The following FAR2 variants were observed in gnomAD, a reference collection of about 807,000 sequenced individuals.
FAR2 encodes the protein epididymis secretory protein Li 81.
Under a neutral mutation model 56.0 loss-of-function variants are expected in FAR2, and 19 were observed. The observed-to-expected ratio is 0.34, with a 90% CI of 0.24 to 0.50. The LOEUF is 0.50. FAR2 is among the 20% of genes least tolerant of loss of function. The pLI is 0.98. For missense variants in FAR2, 508 were observed against 642.2 expected (o/e 0.79, Z 2.26); for synonymous variants, 219 against 218.8 (o/e 1.00, Z -0.01).
At chr12:29,288,792 A>G (rs1187079242) in intron 2 of FAR2, among the ~76,000 whole-genome samples, 1 of 152,198 alleles carries the variant, frequency 6.6e-6, no homozygotes, top group Admixed American at 6.5e-5. Context: ...CTATTGTAGT[A>G]ATAGTTCTAT....
At chr12:29,278,662 TAAC>T (rs1948738548) in intron 2 of FAR2, among the ~76,000 whole-genome samples, 1 of 152,148 alleles carries the variant, frequency 6.6e-6, no homozygotes, top group Non-Finnish European at 1.5e-5. Context: ...AACAGACTTT[TAAC>T]AACAAAAAAG....
At chr12:29,273,948 T>C (rs1407395904) in intron 2 of FAR2, among the ~76,000 whole-genome samples, 4 of 152,140 alleles carry the variant, frequency 2.6e-5, no homozygotes, top group African/African-American at 9.7e-5. Flanking sequence ...CTCTTCCTTC[T>C]CTTGGTGGGT....
intron 1 of FAR2, among the ~76,000 whole-genome samples, chr12:29,156,165 G>A (rs1393642758): frequency 6.6e-6 from 1 of 152,042 alleles, no homozygotes; most frequent in Admixed American, 6.6e-5. Flanking sequence ...GGAGGCATTC[G>A]TTTTGAGATC....
At chr12:29,285,236 C>T (rs983223742) in intron 2 of FAR2, among the ~76,000 whole-genome samples, 10 of 152,198 alleles carry the variant, frequency 6.6e-5, no homozygotes, top group Non-Finnish European at 1.3e-4. Flanking sequence ...TTGTTCTCAA[C>T]TTCCAAAAAT....
intron 1 of FAR2, among the ~76,000 whole-genome samples, chr12:29,241,491 G>GA (rs1307627419): frequency 4.6e-5 from 7 of 151,494 alleles, no homozygotes; most frequent in Admixed American, 6.6e-5. Context: ...TTCTCTGCAG[G>GA]AAAAAAAATG....
At chr12:29,277,929 TTTC>T (rs1216068690) in intron 2 of FAR2, 3 of 104,820 alleles carry the variant, frequency 2.9e-5, no homozygotes, top group African/African-American at 7.2e-5. Context: ...ACATATTTTC[TTTC>T]TTTTTTTTTT....
chr12:29,203,999 C>CAAAAAAAAAAAAA (rs34399942), intron 1 of FAR2, among the ~76,000 whole-genome samples: 2 of 68,116 alleles, frequency 2.9e-5, no homozygotes, highest in Non-Finnish European at 4.9e-5. Context: ...GATTCCATCT[C>CAAAAAAAAAAAAA]AAAAAAAAAA....
chr12:29,265,036 A>G (rs1488846114), intron 1 of FAR2, among the ~76,000 whole-genome samples: 1 of 152,220 alleles, frequency 6.6e-6, no homozygotes, highest in African/African-American at 2.4e-5. Flanking sequence ...AACACACACA[A>G]AAATGGAAAG....
At chr12:29,259,441 C>G in intron 1 of FAR2, among the ~76,000 whole-genome samples, 1 of 152,274 alleles carries the variant, frequency 6.6e-6, no homozygotes, top group East Asian at 1.9e-4. Flanking sequence ...CAGTGGACTA[C>G]GAAGACATTT....
chr12:29,216,558 G>C (rs1033179873), intron 1 of FAR2, among the ~76,000 whole-genome samples: 12 of 152,062 alleles, frequency 7.9e-5, no homozygotes, highest in African/African-American at 2.9e-4. Context: ...TTTTACATGT[G>C]AGCGCCCACT....
rs143864538 is a variant in FAR2, at chr12:29,230,192, G to A, written c.-38-40220G>A. Among the ~76,000 whole-genome samples the A allele has an allele frequency of 4.8e-3, 734 of 152,258 alleles. 7 individuals carry two copies. The highest frequency in any genetic ancestry group is 0.017 in the African/African-American group (698 of 41,546). ...ACAGATGACGTAAACTACATCAGGT[G>A]GTGTTAAGTGCTGTGAAGAAATGGA... On this transcript the variant is annotated intron_variant, in intron 1 of 11. Transcript: ENST00000536681.
At chr12:29,171,029 A>C (rs1462035040) in intron 1 of FAR2, among the ~76,000 whole-genome samples, 1 of 152,242 alleles carries the variant, frequency 6.6e-6, no homozygotes, top group Non-Finnish European at 1.5e-5. Context: ...CATACTTACT[A>C]TCTGTAGCGA....
chr12:29,214,944 G>T (rs1215231476), intron 1 of FAR2, among the ~76,000 whole-genome samples: 1 of 152,238 alleles, frequency 6.6e-6, no homozygotes, highest in South Asian at 2.1e-4. Flanking sequence ...GGTGAGAAAG[G>T]CATTCTTGAG....
At chr12:29,294,900 T>C (rs1234846536) in intron 3 of FAR2, among the ~76,000 whole-genome samples, 1 of 152,132 alleles carries the variant, frequency 6.6e-6, no homozygotes, top group Non-Finnish European at 1.5e-5. Context: ...ATGGTTAGTT[T>C]TTGAACAATA....
chr12:29,204,180 G>A (rs527432867), intron 1 of FAR2, among the ~76,000 whole-genome samples: 1 of 152,028 alleles, frequency 6.6e-6, no homozygotes, highest in African/African-American at 2.4e-5. Flanking sequence ...AAAGATGTCT[G>A]CGTACAAAAT....
intron 2 of FAR2, among the ~76,000 whole-genome samples, chr12:29,285,526 T>TAAGG (rs989363806): frequency 1.8e-4 from 27 of 151,100 alleles, no homozygotes; most frequent in African/African-American, 5.1e-4. Flanking sequence ...CCATTTACTT[T>TAAGG]AAGGAAGGAA....
intron 1 of FAR2, among the ~76,000 whole-genome samples, chr12:29,269,210 G>T (rs535088353): frequency 5.3e-5 from 8 of 152,090 alleles, no homozygotes; most frequent in Admixed American, 5.2e-4. Context: ...GCACCTTGGG[G>T]GGGCCGTTCA....
chr12:29,279,197 G>A (rs1481870716), intron 2 of FAR2, among the ~76,000 whole-genome samples: 1 of 152,216 alleles, frequency 6.6e-6, no homozygotes, highest in South Asian at 2.1e-4. Flanking sequence ...TGCCTGGGAT[G>A]AATTAGGTAT....
chr12:29,304,860 T>C (rs1193003156), intron 4 of FAR2, among the ~76,000 whole-genome samples: 6 of 152,204 alleles, frequency 3.9e-5, no homozygotes, highest in Admixed American at 3.9e-4. Context: ...GGAGGACATT[T>C]AGATTAATTT....
Sources: gnomAD v4.1 joint callset for allele counts (sites outside exome capture counted in the v4.1 genomes callset) on GRCh38, gnomAD v4.1.1 for gene constraint, MANE v1.5 for transcripts, NCBI Gene and HGNC (gene_info 2026-07-23, HGNC 2026-07-21) for gene names.